DMXL1: variants seen among roughly 807,000 people sequenced by gnomAD.
DMXL1 encodes Dmx like 1.
A neutral mutation model predicts 319.2 loss-of-function variants in DMXL1; 99 were observed. The ratio of observed to expected loss-of-function variants is 0.31; its 90% CI spans 0.26 to 0.37. The LOEUF is 0.37. Among genes scored for constraint, DMXL1 ranks in the 10% least tolerant of loss-of-function variants. The probability of loss-of-function intolerance (pLI) is 1.00; values close to 1 mark genes in which losing one functional copy is unlikely to be tolerated. For missense variants in DMXL1, 3,745 were observed against 3,595.6 expected (o/e 1.04, Z -1.06); for synonymous variants, 1,385 against 1,235.2 (o/e 1.12, Z -2.54).
Position 119,198,032 on chromosome 5 carries a change from G to T in DMXL1, c.7745+76G>T. On this transcript the variant is annotated intron_variant, in intron 32 of 43. Coordinates refer to ENST00000539542, the MANE Select transcript of DMXL1 (RefSeq NM_001290321.3). ...GAGATGGTGTCTCGCTCTGTCATCCGGGCTGGAGTGCAGTGGCACAATCTC... is the reference window on the plus strand; with the variant it reads ...GAGATGGTGTCTCGCTCTGTCATCCTGGCTGGAGTGCAGTGGCACAATCTC... 20 of 1,414,198 alleles carry T rather than the reference G, an allele frequency of 1.4e-5. No homozygotes were observed. The South Asian group carries it at 2.4e-4, about 17-fold the overall frequency. 87.6% of individuals were successfully genotyped at this position (1,414,198 alleles called of 1,614,324 possible). A position where few individuals can be genotyped will look rare whatever the true frequency, so the allele number is the denominator to read the frequency against.
chr5:119,243,611 T>C (rs1789216831), intron 42 of DMXL1, among the ~76,000 whole-genome samples: 1 of 152,194 alleles, frequency 6.6e-6, no homozygotes. Context: ...TCTTTTATTT[T>C]ACAAGGCTTA....
chr5:119,109,382 C>A (rs996376228), intron 4 of DMXL1, among the ~76,000 whole-genome samples: 3 of 152,128 alleles, frequency 2.0e-5, no homozygotes, highest in Non-Finnish European at 4.4e-5. Context: ...CAGTTAAGCC[C>A]TCTTGTTCTG....
At chr5:119,184,913 G>C (rs1777429838) in intron 28 of DMXL1, among the ~76,000 whole-genome samples, 1 of 152,104 alleles carries the variant, frequency 6.6e-6, no homozygotes, top group African/African-American at 2.4e-5. Context: ...GAACCGTGTT[G>C]TGGCATTCAG....
intron 20 of DMXL1, 29 bp from the exon 21 acceptor site, chr5:119,165,153 GA>G: frequency 7.4e-7 from 1 of 1,352,940 alleles, no homozygotes; most frequent in Non-Finnish European, 1.0e-6. Context: ...CTGTTTCTGT[GA>G]AATTTTGATC....
chr5:119,170,281 A>G lies in DMXL1; in HGVS notation c.5490A>G (p.Ser1830=), dbSNP rs917295317. Reference sequence around the variant, plus strand: ...TTTTGCTGAGACGTCATTTTGGATCATCTGATACATTTTCCACACATATGA... The same window carrying G: ...TTTTGCTGAGACGTCATTTTGGATCGTCTGATACATTTTCCACACATATGA... The part of the protein sequence containing the change: ...HPLLLRRHFG[S]SDTFSTHMSL... The change falls in exon 24 of 44, where the codon TCA becomes TCG. Residue 1830 remains serine (S), a synonymous_variant. Coordinates refer to ENST00000539542, the MANE Select transcript of DMXL1 (RefSeq NM_001290321.3). 2.5e-6 allele frequency: 4 copies of G among 1,613,776 alleles called. No individual in the cohort carries two copies. The highest frequency in any genetic ancestry group is 2.5e-6 in the Non-Finnish European group (3 of 1,179,958).
intron 9 of DMXL1, among the ~76,000 whole-genome samples, chr5:119,124,631 T>G (rs946004702): frequency 1.4e-4 from 20 of 146,016 alleles, no homozygotes; most frequent in South Asian, 4.5e-4. Context: ...AGTGGTGTAA[T>G]CAAGGCTCAC....
intron 32 of DMXL1, among the ~76,000 whole-genome samples, chr5:119,201,272 A>G (rs1780662070): frequency 6.6e-6 from 1 of 152,108 alleles, no homozygotes; most frequent in African/African-American, 2.4e-5. Context: ...GAGTTTTTAC[A>G]TGGATTGATG....
chr5:119,167,946 A>G (rs1219194703), intron 23 of DMXL1, 82 bp downstream of exon 23: 13 of 1,315,410 alleles, frequency 9.9e-6, no homozygotes, highest in South Asian at 1.5e-5. Flanking sequence ...TTAGGTGGTA[A>G]GGGTAATACA....
chr5:119,166,484 C>A, intron 21 of DMXL1, 132 bp from the exon 22 acceptor site: 2 of 666,604 alleles, frequency 3.0e-6, no homozygotes, highest in South Asian at 2.1e-5. Context: ...GGAAAAGAAG[C>A]AGATACATAG....
chr5:119,193,739 AATGAG>A, intron 29 of DMXL1, 84 bp from the exon 30 acceptor site: 1 of 1,294,772 alleles, frequency 7.7e-7, no homozygotes, highest in Non-Finnish European at 1.1e-6. Context: ...AGTATCTGCA[AATGAG>A]ATGAATTATT....
intron 13 of DMXL1, among the ~76,000 whole-genome samples, chr5:119,142,728 C>G (rs942914308): frequency 1.3e-5 from 2 of 151,958 alleles, no homozygotes; most frequent in Admixed American, 1.3e-4. Flanking sequence ...GGTAAGGGCA[C>G]ATGCAGGCAA....
At chr5:119,234,206 T>G (rs547256546) in intron 39 of DMXL1, among the ~76,000 whole-genome samples, 4 of 152,270 alleles carry the variant, frequency 2.6e-5, no homozygotes, top group Admixed American at 6.5e-5. Context: ...CAGCAATCTT[T>G]TATTGAACAG....
At chr5:119,116,076 G>T in intron 6 of DMXL1, 82 bp from the exon 7 acceptor site, 2 of 1,321,914 alleles carry the variant, frequency 1.5e-6, no homozygotes, top group Non-Finnish European at 2.0e-6. Context: ...TGCCATTGGG[G>T]AGAAAATTCT....
intron 38 of DMXL1, among the ~76,000 whole-genome samples, chr5:119,229,717 A>G (rs1333175091): frequency 3.9e-5 from 6 of 152,308 alleles, no homozygotes; most frequent in Non-Finnish European, 8.8e-5. Context: ...TTAATTACAT[A>G]TATTGATTAG....
At chr5:119,117,486 A>C (rs917743879) in intron 7 of DMXL1, among the ~76,000 whole-genome samples, 1 of 152,100 alleles carries the variant, frequency 6.6e-6, no homozygotes, top group Admixed American at 6.6e-5. Context: ...GATAGAGAAA[A>C]GAGAGTGAGA....
intron 35 of DMXL1, 45 bp downstream of exon 35, chr5:119,217,032 T>C (rs1174607385): frequency 4.5e-6 from 5 of 1,107,504 alleles, no homozygotes; most frequent in Non-Finnish European, 6.5e-6. Context: ...GTATTTATAG[T>C]TGGATAATAT....
Position 119,105,174 on chromosome 5 carries a change from T to C in DMXL1, c.286-6T>C, listed in dbSNP as rs1403635186. ...TAATGGGCTAAATGACTTTTCTTAA[T>C]TTTAGGAATTATATAGTCAGTGGCA... On this transcript the variant is annotated splice_polypyrimidine_tract_variant and splice_region_variant and intron_variant, in intron 3 of 43. Transcript: ENST00000539542. 6.3e-7 allele frequency: 1 copy of C among 1,597,594 alleles called. No homozygotes were observed. Among genetic ancestry groups the C allele is most frequent in the African/African-American group, 1.3e-5 (1 of 74,706 alleles).
chr5:119,147,159 C>T, intron 16 of DMXL1, 90 bp from the exon 17 acceptor site: 1 of 1,215,344 alleles, frequency 8.2e-7, no homozygotes, highest in Non-Finnish European at 1.2e-6. Flanking sequence ...TTATCTTTTA[C>T]AAGGCAGTTT....
chr5:119,079,104 C>G (rs1283696624), intron 1 of DMXL1, among the ~76,000 whole-genome samples: 2 of 152,066 alleles, frequency 1.3e-5, no homozygotes, highest in Non-Finnish European at 2.9e-5. Context: ...TCAAATGGGA[C>G]CTCAAAGCTT....
Sources: gnomAD v4.1 joint callset for allele counts (sites outside exome capture counted in the v4.1 genomes callset) on GRCh38, gnomAD v4.1.1 for gene constraint, MANE v1.5 for transcripts, NCBI Gene and HGNC (gene_info 2026-07-23, HGNC 2026-07-21) for gene names.